The following GNG12 variants were observed in gnomAD, a reference collection of about 807,000 sequenced individuals.
The protein encoded by GNG12 is G protein subunit gamma 12.
For synonymous variants in GNG12, 28 were observed against 29.7 expected (o/e 0.94, Z 0.19); for missense variants, 69 against 83.8 (o/e 0.82, Z 0.69).
chr1:67,759,915 C>T (rs1368550577), intron 2 of GNG12, among the ~76,000 whole-genome samples: 1 of 152,174 alleles, frequency 6.6e-6, no homozygotes, highest in Non-Finnish European at 1.5e-5. Flanking sequence ...TTCTAGGCTG[C>T]CCTTTTAACC....
At chr1:67,769,910 G>C (rs116565899) in intron 2 of GNG12, among the ~76,000 whole-genome samples, 1,607 of 152,256 alleles carry the variant, frequency 0.011, 36 homozygotes, top group African/African-American at 0.037. Context: ...TGGCTCAGAG[G>C]GAGCAGCATC....
Position 67,705,412 on chromosome 1 carries a change from C to A in GNG12, c.*39G>T. On this transcript the variant is annotated 3_prime_UTR_variant, in exon 4 of 4. Coordinates refer to ENST00000370982, the MANE Select transcript of GNG12 (RefSeq NM_018841.6). ...TCTTCAAGGAGCTGCTCATAATTTGCGTTGTTGGGAAGAGGCGAGGAGCTG... is the reference window on the plus strand; with the variant it reads ...TCTTCAAGGAGCTGCTCATAATTTGAGTTGTTGGGAAGAGGCGAGGAGCTG... 6.2e-7 allele frequency: 1 copy of A among 1,604,196 alleles called. No homozygotes were observed. Among genetic ancestry groups the A allele is most frequent in the Admixed American group, 1.7e-5 (1 of 58,368 alleles).
chr1:67,754,397 C>T (rs574334945), intron 2 of GNG12, among the ~76,000 whole-genome samples: 30 of 152,304 alleles, frequency 2.0e-4, no homozygotes, highest in African/African-American at 7.2e-4. Flanking sequence ...ACCCCAGAGT[C>T]GTTCTGGACT....
intron 2 of GNG12, among the ~76,000 whole-genome samples, chr1:67,724,244 A>G (rs891319396): frequency 2.0e-5 from 3 of 152,184 alleles, no homozygotes; most frequent in Non-Finnish European, 4.4e-5. Context: ...TGCGCTCAGA[A>G]ATTGGTCAAA....
chr1:67,726,790 C>T lies in GNG12; in HGVS notation c.-26-19078G>A, dbSNP rs951949750. The stretch of plus-strand genomic sequence containing the variant: ...TCTGAGTATAACTCTACTTAAGTTC[C>T]CAAAGTACATTACTAGTGCATGTGT... On this transcript the variant is annotated intron_variant, in intron 2 of 3. Transcript: ENST00000370982. 1.2e-4 allele frequency among the ~76,000 whole-genome samples: 18 copies of T among 152,262 alleles called. No homozygotes were observed. In the East Asian group the frequency reaches 3.3e-3, roughly 28 times the overall value.
chr1:67,806,021 T>A (rs1646893054), intron 1 of GNG12, among the ~76,000 whole-genome samples: 1 of 151,524 alleles, frequency 6.6e-6, no homozygotes, highest in Non-Finnish European at 1.5e-5. Context: ...AAAACGAACC[T>A]AGAATTACAT....
chr1:67,803,998 C>T (rs1161126694), intron 1 of GNG12, among the ~76,000 whole-genome samples: 1 of 152,098 alleles, frequency 6.6e-6, no homozygotes, highest in Admixed American at 6.6e-5. Flanking sequence ...TGGATGGAGT[C>T]CAGGCAGAAC....
In GNG12 at chr1:67,759,422, A is replaced by G. The variant is rs183452932; in HGVS notation, c.-27+18036T>C. On this transcript the variant is annotated intron_variant, in intron 2 of 3. Coordinates refer to ENST00000370982, the MANE Select transcript of GNG12 (RefSeq NM_018841.6). Reference sequence around the variant, plus strand: ...GAGACAATACAGTGTAGCCATTAAGAAAACGAATTCTGGAATCAGGTAGGC... The same window carrying G: ...GAGACAATACAGTGTAGCCATTAAGGAAACGAATTCTGGAATCAGGTAGGC... 3.0e-3 allele frequency among the ~76,000 whole-genome samples: 456 copies of G among 152,338 alleles called. 3 individuals carry two copies. The highest frequency in any genetic ancestry group is 0.011 in the African/African-American group (444 of 41,576).
intron 1 of GNG12, among the ~76,000 whole-genome samples, chr1:67,830,879 C>T (rs2100834399): frequency 6.6e-6 from 1 of 152,286 alleles, no homozygotes; most frequent in South Asian, 2.1e-4. Context: ...TAGCCTGCTG[C>T]TTGAACAAGC....
intron 2 of GNG12, among the ~76,000 whole-genome samples, chr1:67,774,524 C>G (rs1434203933): frequency 6.6e-6 from 1 of 152,168 alleles, no homozygotes; most frequent in East Asian, 1.9e-4. Context: ...GGCCTTGAAC[C>G]AGGAATAGCC....
At chr1:67,733,528 T>C (rs1056977683) in intron 2 of GNG12, among the ~76,000 whole-genome samples, 4 of 152,212 alleles carry the variant, frequency 2.6e-5, no homozygotes, top group African/African-American at 9.6e-5. Flanking sequence ...ATAATAAACA[T>C]ATCACAAGTA....
chr1:67,742,175 G>A (rs971073080), intron 2 of GNG12, among the ~76,000 whole-genome samples: 2 of 152,178 alleles, frequency 1.3e-5, no homozygotes, highest in Non-Finnish European at 2.9e-5. Context: ...CACCCTTTTA[G>A]AAATGATCTA....
At chr1:67,756,576 C>A (rs955702312) in intron 2 of GNG12, among the ~76,000 whole-genome samples, 1 of 152,166 alleles carries the variant, frequency 6.6e-6, no homozygotes. Flanking sequence ...TTGGAGGCCA[C>A]AAGATAGGGT....
intron 2 of GNG12, among the ~76,000 whole-genome samples, chr1:67,733,860 G>A (rs1448987719): frequency 1.3e-5 from 2 of 152,140 alleles, no homozygotes; most frequent in Admixed American, 6.5e-5. Context: ...GATCAGCCCA[G>A]AAGATGAGCC....
At chr1:67,749,848 G>T (rs1298341325) in intron 2 of GNG12, among the ~76,000 whole-genome samples, 2 of 152,180 alleles carry the variant, frequency 1.3e-5, no homozygotes, top group African/African-American at 4.8e-5. Context: ...GGAGAGAAAT[G>T]AAAAGCAACA....
intron 2 of GNG12, among the ~76,000 whole-genome samples, chr1:67,750,076 C>G (rs1646529602): frequency 6.6e-6 from 1 of 152,192 alleles, no homozygotes. Flanking sequence ...TGCCAACAAC[C>G]TATCTTCCTT....
At chr1:67,716,874 T>C (rs1033298675) in intron 2 of GNG12, among the ~76,000 whole-genome samples, 2 of 152,206 alleles carry the variant, frequency 1.3e-5, no homozygotes, top group East Asian at 1.9e-4. Context: ...AGATTCTACA[T>C]AGGAATATTG....
intron 2 of GNG12, among the ~76,000 whole-genome samples, chr1:67,727,876 A>G (rs1646396003): frequency 1.3e-5 from 2 of 152,194 alleles, no homozygotes; most frequent in South Asian, 2.1e-4. Flanking sequence ...TTTATGTGAT[A>G]AGTTTTTTTG....
chr1:67,827,002 G>A (rs940962132), intron 1 of GNG12, among the ~76,000 whole-genome samples: 1 of 152,200 alleles, frequency 6.6e-6, no homozygotes, highest in Admixed American at 6.5e-5. Flanking sequence ...CATCAATGAA[G>A]TTAAGATTCT....
Sources: allele counts gnomAD v4.1 joint callset (sites outside exome capture counted in the v4.1 genomes callset), GRCh38; gene constraint gnomAD v4.1.1; transcripts MANE v1.5; gene names NCBI Gene and HGNC (gene_info 2026-07-23, HGNC 2026-07-21).